The following CYTH3 variants were observed in gnomAD, a reference collection of about 807,000 sequenced individuals.
The protein encoded by CYTH3 is cytohesin 3.
In CYTH3, 23 loss-of-function variants were observed where a neutral mutation model predicts 55.1. The observed-to-expected ratio is 0.42, with a 90% CI of 0.30 to 0.59. The LOEUF (loss-of-function observed/expected upper bound fraction) is 0.59, where lower values mean the gene tolerates loss of function less well. Ranked by LOEUF, CYTH3 falls within the 20% of genes least tolerant of loss-of-function variation. The probability of loss-of-function intolerance (pLI) is 0.20; values close to 1 mark genes in which losing one functional copy is unlikely to be tolerated. For missense variants in CYTH3, 413 were observed against 524.8 expected, an observed-to-expected ratio of 0.79 and a Z score of 2.08; for synonymous variants, 249 against 194.9, an observed-to-expected ratio of 1.28 and a Z score of -2.31.
At chr7:6,225,845 A>AATTT (rs1779236843) in intron 1 of CYTH3, among the ~76,000 whole-genome samples, 1 of 151,606 alleles carries the variant, frequency 6.6e-6, no homozygotes, top group Non-Finnish European at 1.5e-5. Context: ...ACACCCAGCT[A>AATTT]ATTTTTGTAT....
chr7:6,176,986 T>C (rs1230805591), intron 5 of CYTH3, among the ~76,000 whole-genome samples: 2 of 152,276 alleles, frequency 1.3e-5, no homozygotes, highest in East Asian at 3.8e-4. Context: ...GTGGGTTTTG[T>C]CCTTTATGTG....
chr7:6,199,944 T>C (rs2128546589), intron 1 of CYTH3, among the ~76,000 whole-genome samples: 1 of 152,328 alleles, frequency 6.6e-6, no homozygotes. Context: ...AAGGTGTATA[T>C]ATAAATCCTA....
intron 1 of CYTH3, among the ~76,000 whole-genome samples, chr7:6,201,638 C>A (rs941998008): frequency 2.0e-5 from 3 of 152,046 alleles, no homozygotes; most frequent in Non-Finnish European, 4.4e-5. Context: ...CTTAAAAAAA[C>A]CTGACTGTGT....
chr7:6,221,868 T>G (rs1436869519), intron 1 of CYTH3, among the ~76,000 whole-genome samples: 1 of 152,082 alleles, frequency 6.6e-6, no homozygotes, highest in African/African-American at 2.4e-5. Flanking sequence ...GGGAGGATCA[T>G]TTGAAGCCTA....
intron 1 of CYTH3, among the ~76,000 whole-genome samples, chr7:6,191,451 G>A (rs925201977): frequency 2.6e-5 from 4 of 152,044 alleles, no homozygotes; most frequent in Admixed American, 6.6e-5. Context: ...AAAAATAAAA[G>A]CAGATTGTAT....
intron 1 of CYTH3, among the ~76,000 whole-genome samples, chr7:6,246,718 A>G (rs545209086): frequency 1.2e-4 from 14 of 119,474 alleles, no homozygotes; most frequent in Admixed American, 5.6e-4. Flanking sequence ...AATCTGACCC[A>G]GATTTATTAT....
chr7:6,242,610 T>C (rs924128434), intron 1 of CYTH3, among the ~76,000 whole-genome samples: 3 of 145,996 alleles, frequency 2.1e-5, no homozygotes, highest in Non-Finnish European at 3.0e-5. Context: ...CTCCTGATCT[T>C]GTGATCCGCC....
Position 6,237,121 on chromosome 7 carries a change from C to T in CYTH3, c.34+35353G>A, listed in dbSNP as rs573669082. ...AAGGAGACAGCACTTAGAACCAGAG[C>T]AGCTCCCGCCTCGGCAGGCGTTGCT... On this transcript the variant is annotated intron_variant, in intron 1 of 12. Transcript: ENST00000350796. Among the ~76,000 whole-genome samples the T allele has an allele frequency of 2.4e-3, 359 of 152,310 alleles. 2 individuals are homozygous for T. Among genetic ancestry groups the T allele is most frequent in the Non-Finnish European group, 2.6e-3 (180 of 68,026 alleles).
At chr7:6,260,247 A>G (rs1018031734) in intron 1 of CYTH3, among the ~76,000 whole-genome samples, 1 of 152,154 alleles carries the variant, frequency 6.6e-6, no homozygotes, top group Non-Finnish European at 1.5e-5. Context: ...CCCGCTTTTT[A>G]AAGGATCTGC....
At chr7:6,228,968 T>G (rs1458686355) in intron 1 of CYTH3, among the ~76,000 whole-genome samples, 1 of 152,176 alleles carries the variant, frequency 6.6e-6, no homozygotes, top group Non-Finnish European at 1.5e-5. Flanking sequence ...CCCTTTATTC[T>G]GAAGGCTCCT....
chr7:6,164,773 C>T lies in CYTH3; in HGVS notation c.*171G>A. 2.7e-6 allele frequency: 2 copies of T among 748,080 alleles called. No individual in the cohort carries two copies. The highest frequency in any genetic ancestry group is 4.6e-6 in the Non-Finnish European group (2 of 437,502). 46.3% of individuals were successfully genotyped at this position (748,080 alleles called of 1,614,324 possible). On this transcript the variant is annotated 3_prime_UTR_variant, in exon 13 of 13. Coordinates refer to ENST00000350796, the MANE Select transcript of CYTH3 (RefSeq NM_004227.4). The stretch of plus-strand genomic sequence containing the variant: ...CTGCAGGGCGACCACCTCCCAGGAC[C>T]CCAGCCACGGCACGAGGCCTTGGGG...
intron 1 of CYTH3, among the ~76,000 whole-genome samples, chr7:6,234,037 A>C (rs566307229): frequency 2.0e-5 from 3 of 152,280 alleles, no homozygotes; most frequent in Non-Finnish European, 4.4e-5. Context: ...CATCAGGCCC[A>C]CCTCCTAGTA....
At chr7:6,265,930 A>C (rs1364916127) in intron 1 of CYTH3, among the ~76,000 whole-genome samples, 1 of 152,142 alleles carries the variant, frequency 6.6e-6, no homozygotes, top group Admixed American at 6.5e-5. Flanking sequence ...GTAATGCTTT[A>C]TTTTTTAAAA....
chr7:6,264,225 C>T (rs772201691), intron 1 of CYTH3, among the ~76,000 whole-genome samples: 12 of 149,678 alleles, frequency 8.0e-5, no homozygotes, highest in Non-Finnish European at 1.3e-4. Context: ...CCAGCCTGGG[C>T]AACAAGGGCA....
chr7:6,238,014 C>G (rs1336979987), intron 1 of CYTH3, among the ~76,000 whole-genome samples: 1 of 152,066 alleles, frequency 6.6e-6, no homozygotes, highest in Admixed American at 6.5e-5. Flanking sequence ...GTAAAGATAC[C>G]AGGGTCCCCA....
At chr7:6,213,799 G>A (rs932684274) in intron 1 of CYTH3, among the ~76,000 whole-genome samples, 5 of 151,902 alleles carry the variant, frequency 3.3e-5, no homozygotes, top group African/African-American at 1.2e-4. Flanking sequence ...AAGCCAGCAA[G>A]GCAGGAACCC....
chr7:6,179,742 A>ACACACCC (rs1783443631), intron 4 of CYTH3, among the ~76,000 whole-genome samples: 1 of 100,020 alleles, frequency 1.0e-5, no homozygotes, highest in Non-Finnish European at 1.9e-5. Flanking sequence ...CACCCACCAC[A>ACACACCC]CACACCCCAC....
At chr7:6,207,069 G>A (rs951583245) in intron 1 of CYTH3, among the ~76,000 whole-genome samples, 17 of 139,760 alleles carry the variant, frequency 1.2e-4, no homozygotes, top group African/African-American at 4.2e-4. Context: ...CAATTTCACA[G>A]AAATTAAAAT....
chr7:6,218,164 C>T (rs1437008639), intron 1 of CYTH3, among the ~76,000 whole-genome samples: 4 of 152,048 alleles, frequency 2.6e-5, no homozygotes, highest in African/African-American at 7.2e-5. Context: ...GCAACAGAGC[C>T]AGACCCTATC....
Sources: allele counts gnomAD v4.1 joint callset (sites outside exome capture counted in the v4.1 genomes callset), GRCh38; gene constraint gnomAD v4.1.1; transcripts MANE v1.5; gene names NCBI Gene and HGNC (gene_info 2026-07-23, HGNC 2026-07-21).